DAB1: variants seen among roughly 807,000 people sequenced by gnomAD.
DAB1 encodes DAB adaptor protein 1.
A neutral mutation model predicts 64.6 loss-of-function variants in DAB1; 15 were observed. The observed-to-expected ratio is 0.23, with a 90% CI of 0.16 to 0.36. The LOEUF is 0.36. Ranked by LOEUF, DAB1 falls within the 10% of genes least tolerant of loss-of-function variation. The probability of loss-of-function intolerance (pLI) is 1.00; values close to 1 mark genes in which losing one functional copy is unlikely to be tolerated. For missense variants in DAB1, 596 were observed against 706.7 expected, an observed-to-expected ratio of 0.84 and a Z score of 1.78; for synonymous variants, 235 against 251.9, an observed-to-expected ratio of 0.93 and a Z score of 0.64.
At chr1:57,611,276 C>T (rs1645723534) in intron 7 of DAB1, among the ~76,000 whole-genome samples, 1 of 152,042 alleles carries the variant, frequency 6.6e-6, no homozygotes, top group Admixed American at 6.6e-5. Context: ...AAGGTTCCTG[C>T]CTTCCCTTTT....
chr1:58,493,788 A>G (rs2100385312), intron 3 of DAB1, among the ~76,000 whole-genome samples: 1 of 152,226 alleles, frequency 6.6e-6, no homozygotes, highest in Admixed American at 6.5e-5. Context: ...AAATGGAAGA[A>G]CATTCCATGC....
intron 7 of DAB1, among the ~76,000 whole-genome samples, chr1:57,642,674 C>T (rs1041999434): frequency 6.6e-6 from 1 of 152,220 alleles, no homozygotes; most frequent in Non-Finnish European, 1.5e-5. Flanking sequence ...TTCACACAGG[C>T]AGACCTTCTC....
intron 7 of DAB1, 102 bp from the exon 8 acceptor site, chr1:57,069,527 A>G: frequency 1.1e-6 from 1 of 897,356 alleles, no homozygotes; most frequent in Non-Finnish European, 1.8e-6. Context: ...AGCATTAACG[A>G]AGCAGGCACA....
At chr1:57,032,348 C>A (rs1481026568) in intron 9 of DAB1, among the ~76,000 whole-genome samples, 2 of 152,120 alleles carry the variant, frequency 1.3e-5, no homozygotes, top group Non-Finnish European at 2.9e-5. Context: ...CATAAGCTGG[C>A]TGTTTTATGG....
chr1:57,196,275 T>G (rs761091350), intron 2 of DAB1, among the ~76,000 whole-genome samples: 1 of 152,212 alleles, frequency 6.6e-6, no homozygotes, highest in Admixed American at 6.5e-5. Context: ...GTACTCTCTG[T>G]TGAAGGTGGA....
At chr1:57,725,066 G>A (rs1386575512) in intron 6 of DAB1, among the ~76,000 whole-genome samples, 3 of 152,232 alleles carry the variant, frequency 2.0e-5, no homozygotes, top group Non-Finnish European at 4.4e-5. Flanking sequence ...GCATAGTACA[G>A]TGGTCAAGTA....
At chr1:57,952,089 G>T (rs560884877) in intron 5 of DAB1, among the ~76,000 whole-genome samples, 2 of 152,074 alleles carry the variant, frequency 1.3e-5, no homozygotes, top group Non-Finnish European at 2.9e-5. Context: ...GTTTAGCTCA[G>T]ATGTGGCTAC....
chr1:57,740,412 T>G (rs1322713741), intron 6 of DAB1, among the ~76,000 whole-genome samples: 1 of 152,178 alleles, frequency 6.6e-6, no homozygotes, highest in South Asian at 2.1e-4. Context: ...ATAAAGATAC[T>G]AGACCTCAGT....
intron 6 of DAB1, among the ~76,000 whole-genome samples, chr1:57,660,763 G>T (rs1437747469): frequency 6.6e-6 from 1 of 152,192 alleles, no homozygotes; most frequent in Non-Finnish European, 1.5e-5. Context: ...ACAGCAAAGG[G>T]GGAGGATATA....
At chr1:57,571,380 T>A (rs1203322295) in intron 7 of DAB1, among the ~76,000 whole-genome samples, 1 of 152,222 alleles carries the variant, frequency 6.6e-6, no homozygotes, top group Non-Finnish European at 1.5e-5. Flanking sequence ...CCACCCATTT[T>A]ACAGATGGGA....
exon 3 of DAB1, chr1:58,506,143 C>T (rs1294636259): frequency 1.1e-6 from 1 of 871,836 alleles, no homozygotes; most frequent in East Asian, 2.4e-5. Context: ...TTGGGTTGGC[C>T]ATGCAGGCTA....
chr1:57,476,726 A>G (rs1195359379), intron 7 of DAB1, among the ~76,000 whole-genome samples: 1 of 152,212 alleles, frequency 6.6e-6, no homozygotes, highest in East Asian at 1.9e-4. Flanking sequence ...GTAAGCAGTT[A>G]ATTGCAACAT....
rs1662666648 is a variant in DAB1, at chr1:58,320,912, C to T, written n.309+22440G>A. ...GAGGAGGAAAGAAAAAAAGCCAGCTCATTCTCCTCCTCCCTCTCTCCTGGA... is the reference window on the plus strand; with the variant it reads ...GAGGAGGAAAGAAAAAAAGCCAGCTTATTCTCCTCCTCCCTCTCTCCTGGA... On this transcript the variant is annotated intron_variant and non_coding_transcript_variant, in intron 4 of 20. Transcript: ENST00000485760. Among the ~76,000 whole-genome samples the T allele has an allele frequency of 2.0e-5, 3 of 152,306 alleles. No homozygotes were observed. The South Asian group carries it at 6.2e-4, about 32-fold the overall frequency.
At chr1:57,086,615 T>C (rs892207192) in intron 4 of DAB1, among the ~76,000 whole-genome samples, 2 of 149,272 alleles carry the variant, frequency 1.3e-5, no homozygotes, top group African/African-American at 5.0e-5. Context: ...CAAAGTTCTT[T>C]AGTAACAGGT....
At chr1:57,982,242 T>C (rs1023873801) in intron 5 of DAB1, among the ~76,000 whole-genome samples, 29 of 152,356 alleles carry the variant, frequency 1.9e-4, no homozygotes, top group African/African-American at 6.7e-4. Context: ...GTGCCAGGCA[T>C]TGAGGATGCA....
At chr1:57,368,200 AT>A (rs952618242) in intron 1 of DAB1, among the ~76,000 whole-genome samples, 1 of 152,184 alleles carries the variant, frequency 6.6e-6, no homozygotes, top group Non-Finnish European at 1.5e-5. Context: ...GGAAGCCGAA[AT>A]GGGGCTGAGA....
intron 3 of DAB1, among the ~76,000 whole-genome samples, chr1:58,449,884 A>T (rs1557766467): frequency 6.6e-6 from 1 of 152,208 alleles, no homozygotes; most frequent in Admixed American, 6.5e-5. Context: ...GATAGTAACA[A>T]TATTTCATGT....
At chr1:58,019,778 G>A (rs1646790838) in intron 5 of DAB1, among the ~76,000 whole-genome samples, 5 of 152,158 alleles carry the variant, frequency 3.3e-5, no homozygotes, top group Admixed American at 3.3e-4. Context: ...TAAGCAAGTA[G>A]TAATTAGGTA....
At chr1:57,085,517 G>C (rs1294275716) in intron 4 of DAB1, among the ~76,000 whole-genome samples, 3 of 152,366 alleles carry the variant, frequency 2.0e-5, no homozygotes, top group Admixed American at 6.5e-5. Context: ...CACTGTGCTA[G>C]GTGCTGGGGG....
Sources: allele counts gnomAD v4.1 joint callset (sites outside exome capture counted in the v4.1 genomes callset), GRCh38; gene constraint gnomAD v4.1.1; transcripts MANE v1.5; gene names NCBI Gene and HGNC (gene_info 2026-07-23, HGNC 2026-07-21).